The following TLL2 variants were observed in gnomAD, a reference collection of about 807,000 sequenced individuals.
TLL2 encodes tolloid like 2.
A neutral mutation model predicts 123.0 loss-of-function variants in TLL2; 106 were observed. The observed-to-expected ratio is 0.86, with a 90% CI of 0.74 to 1.01. The LOEUF (loss-of-function observed/expected upper bound fraction) is 1.01. TLL2 is among the 50% of genes least tolerant of loss of function. The pLI, the probability that TLL2 is intolerant of heterozygous loss-of-function variation, is 0.00. For synonymous variants in TLL2, 494 were observed against 516.8 expected, an observed-to-expected ratio of 0.96 and a Z score of 0.60; for missense variants, 1,332 against 1,336.7, an observed-to-expected ratio of 1.00 and a Z score of 0.06.
chr10:96,468,119 C>A (rs2134097576), intron 2 of TLL2, among the ~76,000 whole-genome samples: 1 of 152,274 alleles, frequency 6.6e-6, no homozygotes, highest in Non-Finnish European at 1.5e-5. Flanking sequence ...AGAAGCTTCT[C>A]CCTCATTCAT....
At chr10:96,383,851 T>C (rs574013407) in intron 16 of TLL2, among the ~76,000 whole-genome samples, 1 of 150,642 alleles carries the variant, frequency 6.6e-6, no homozygotes, top group Non-Finnish European at 1.5e-5. Flanking sequence ...CAGGCTGGTC[T>C]AGAACTCCTG....
chr10:96,387,103 G>A lies in TLL2; in HGVS notation c.1727-25C>T, dbSNP rs148737540. ...TCTGGTGGGGAAGGAAGGTGACCCC[G>A]GTTACATTGTCAGGAAGCCTCCTGG... is the stretch of plus-strand genomic sequence containing the variant. On this transcript the variant is annotated intron_variant, in intron 13 of 20. Coordinates refer to ENST00000357947, the MANE Select transcript of TLL2 (RefSeq NM_012465.4). 2.3e-3 allele frequency: 3,620 copies of A among 1,607,138 alleles called. 10 individuals are homozygous for A. Among genetic ancestry groups the A allele is most frequent in the Non-Finnish European group, 2.8e-3 (3,316 of 1,174,702 alleles).
intron 4 of TLL2, among the ~76,000 whole-genome samples, chr10:96,430,418 G>A (rs1589420614): frequency 6.6e-6 from 1 of 152,184 alleles, no homozygotes; most frequent in African/African-American, 2.4e-5. Context: ...CTACAGAGCC[G>A]TGAGCCAAAA....
At chr10:96,511,896 G>C (rs1847635034) in intron 1 of TLL2, among the ~76,000 whole-genome samples, 1 of 152,178 alleles carries the variant, frequency 6.6e-6, no homozygotes, top group Non-Finnish European at 1.5e-5. Context: ...TATTTTCCCA[G>C]CTTCAGTGGC....
intron 1 of TLL2, among the ~76,000 whole-genome samples, chr10:96,484,734 C>A (rs946515464): frequency 1.4e-4 from 21 of 152,048 alleles, no homozygotes; most frequent in African/African-American, 5.1e-4. Flanking sequence ...GAACCAAGCC[C>A]TGTACTCGAC....
intron 16 of TLL2, among the ~76,000 whole-genome samples, chr10:96,382,123 C>G (rs1846191113): frequency 6.6e-6 from 1 of 152,186 alleles, no homozygotes; most frequent in South Asian, 2.1e-4. Context: ...CCTCTGCCTC[C>G]CTGGCTCAAG....
At chr10:96,479,807 C>T (rs1294460662) in intron 2 of TLL2, among the ~76,000 whole-genome samples, 3 of 152,224 alleles carry the variant, frequency 2.0e-5, no homozygotes, top group East Asian at 1.9e-4. Context: ...TGTACCTTAC[C>T]TCTGTTCCTC....
chr10:96,478,503 G>A (rs1394949898), intron 2 of TLL2, among the ~76,000 whole-genome samples: 1 of 152,230 alleles, frequency 6.6e-6, no homozygotes, highest in Non-Finnish European at 1.5e-5. Context: ...GTGGAAATGA[G>A]TGCTCGTGTT....
chr10:96,513,217 G>A (rs1422909595), intron 1 of TLL2, among the ~76,000 whole-genome samples: 2 of 152,134 alleles, frequency 1.3e-5, no homozygotes, highest in East Asian at 3.9e-4. Context: ...AGGCGGCCCT[G>A]GCACCCACCC....
chr10:96,400,592 T>C (rs1232576935), intron 10 of TLL2, among the ~76,000 whole-genome samples: 2 of 152,140 alleles, frequency 1.3e-5, no homozygotes, highest in African/African-American at 4.8e-5. Context: ...TTCTGCTCAT[T>C]TGGGAGGCTG....
intron 9 of TLL2, 29 bp downstream of exon 9, chr10:96,410,330 C>T (rs1184778633): frequency 6.4e-7 from 1 of 1,559,398 alleles, no homozygotes; most frequent in East Asian, 2.2e-5. Flanking sequence ...GGAGTGCCGT[C>T]CCATTTGCCA....
chr10:96,389,946 A>G (rs61623661), intron 13 of TLL2, among the ~76,000 whole-genome samples: 7,203 of 152,348 alleles, frequency 0.047, 330 homozygotes, highest in African/African-American at 0.12. Flanking sequence ...CAGCTTGGCT[A>G]GATGGCACAG....
chr10:96,409,059 T>C (rs1846476898), intron 9 of TLL2, among the ~76,000 whole-genome samples: 1 of 152,364 alleles, frequency 6.6e-6, no homozygotes, highest in Middle Eastern at 3.4e-3. Context: ...AACTTGACAT[T>C]TAGATGGACA....
chr10:96,494,792 T>C (rs1589436412), intron 1 of TLL2, among the ~76,000 whole-genome samples: 1 of 152,250 alleles, frequency 6.6e-6, no homozygotes, highest in African/African-American at 2.4e-5. Context: ...GCTCAGTGTT[T>C]CTGGAGGCAT....
intron 2 of TLL2, among the ~76,000 whole-genome samples, chr10:96,477,130 A>G (rs1410252096): frequency 2.7e-5 from 4 of 149,744 alleles, no homozygotes; most frequent in Non-Finnish European, 4.4e-5. Flanking sequence ...AACTATTCAT[A>G]CTATTCTAGG....
In TLL2 at chr10:96,397,194, G is replaced by T. The variant is rs201650404; in HGVS notation, c.1376C>A (p.Ala459Glu). Residue 459 changes from alanine to glutamate, a missense_variant, in exon 11 of 21, where the codon GCG (alanine) becomes GAG (glutamate). Coordinates refer to ENST00000357947, the MANE Select transcript of TLL2 (RefSeq NM_012465.4). ...TTTCACCTCGCACAAACCTTCGTAC[G>T]CTGCAAAGAAGCCCTTGCCCAAGAT... is the stretch of plus-strand genomic sequence containing the variant. ...SNILGKGFFAAYEATCGGDMN... is the reference protein window; with the variant it reads ...SNILGKGFFAEYEATCGGDMN... 1 of 1,613,356 alleles carries T rather than the reference G, an allele frequency of 6.2e-7. No homozygotes were observed. The highest frequency in any genetic ancestry group is 8.5e-7 in the Non-Finnish European group (1 of 1,179,554).
chr10:96,483,950 C>T (rs1202676463), intron 1 of TLL2, among the ~76,000 whole-genome samples: 2 of 152,226 alleles, frequency 1.3e-5, no homozygotes, highest in African/African-American at 4.8e-5. Flanking sequence ...TCAAGCGATT[C>T]TCGTTCCTCT....
intron 2 of TLL2, among the ~76,000 whole-genome samples, chr10:96,476,961 G>A (rs564684568): frequency 6.4e-4 from 96 of 150,420 alleles, no homozygotes; most frequent in African/African-American, 2.3e-3. Flanking sequence ...AACTGGTAAT[G>A]CCAGGGATCT....
chr10:96,497,110 G>A (rs1363027303), intron 1 of TLL2, among the ~76,000 whole-genome samples: 2 of 150,854 alleles, frequency 1.3e-5, no homozygotes, highest in African/African-American at 4.9e-5. Context: ...GCGAAACCCT[G>A]TCTCTGCTAA....
Sources: allele counts gnomAD v4.1 joint callset (sites outside exome capture counted in the v4.1 genomes callset), GRCh38; gene constraint gnomAD v4.1.1; transcripts MANE v1.5; gene names NCBI Gene and HGNC (gene_info 2026-07-23, HGNC 2026-07-21).